DPP10: variants seen among roughly 807,000 people sequenced by gnomAD.
DPP10 encodes the protein inactive dipeptidyl peptidase 10.
A neutral mutation model predicts 120.9 loss-of-function variants in DPP10; 33 were observed. That is an observed-to-expected ratio of 0.27 (90% confidence interval 0.21 to 0.37). DPP10 has a LOEUF of 0.37. Ranked by LOEUF, DPP10 falls within the 10% of genes least tolerant of loss-of-function variation. DPP10 has a pLI of 1.00. For synonymous variants in DPP10, 337 were observed against 326.1 expected, an observed-to-expected ratio of 1.03 and a Z score of -0.36; for missense variants, 816 against 942.8, an observed-to-expected ratio of 0.87 and a Z score of 1.76.
chr2:114,948,817 C>T (rs912585542), intron 1 of DPP10, among the ~76,000 whole-genome samples: 8 of 151,950 alleles, frequency 5.3e-5, no homozygotes, highest in African/African-American at 1.5e-4. Flanking sequence ...TCTGTGTGGC[C>T]GAGGAGGCTT....
chr2:115,322,249 C>G (rs1018765615), intron 2 of DPP10, among the ~76,000 whole-genome samples: 6 of 152,070 alleles, frequency 3.9e-5, no homozygotes, highest in African/African-American at 1.2e-4. Flanking sequence ...ATATTTTAAA[C>G]TATTTTTGAA....
chr2:114,488,127 G>T (rs1264442870), intron 1 of DPP10, among the ~76,000 whole-genome samples: 3 of 152,146 alleles, frequency 2.0e-5, no homozygotes, highest in African/African-American at 7.2e-5. Flanking sequence ...TTGCAAAAAT[G>T]GCTTTAAATT....
In DPP10 at chr2:115,316,059, T is replaced by A. The variant is rs539384283; in HGVS notation, c.175+6706T>A. On this transcript the variant is annotated intron_variant, in intron 2 of 25. Transcript: ENST00000410059. ...TGAATTTGGTTTACATTATAATGTG[T>A]TTAGTTTTACAAGAGTCAGAAGAGA... Among the ~76,000 whole-genome samples the A allele has an allele frequency of 1.5e-3, 229 of 152,322 alleles. 1 individual carries two copies. Among genetic ancestry groups the A allele is most frequent in the African/African-American group, 5.3e-3 (220 of 41,576 alleles).
intron 7 of DPP10, among the ~76,000 whole-genome samples, chr2:115,695,641 A>G (rs1397457563): frequency 6.6e-6 from 1 of 152,172 alleles, no homozygotes; most frequent in Non-Finnish European, 1.5e-5. Flanking sequence ...GACATGTGGG[A>G]ATTATTAAAA....
At chr2:115,629,250 A>T (rs892244404) in intron 5 of DPP10, among the ~76,000 whole-genome samples, 1 of 152,056 alleles carries the variant, frequency 6.6e-6, no homozygotes, top group Admixed American at 6.6e-5. Context: ...AGTCTTTGCT[A>T]TTGCGAATAG....
intron 3 of DPP10, among the ~76,000 whole-genome samples, chr2:115,494,339 C>T (rs916946396): frequency 5.9e-5 from 9 of 152,040 alleles, no homozygotes; most frequent in Admixed American, 3.9e-4. Context: ...CTTCTCTTTG[C>T]GAAGGAGAAA....
chr2:114,993,330 G>A (rs887336212), intron 1 of DPP10, among the ~76,000 whole-genome samples: 5 of 149,538 alleles, frequency 3.3e-5, no homozygotes, highest in South Asian at 4.2e-4. Flanking sequence ...GCATATCTGG[G>A]AGGTACTTGG....
At chr2:114,518,403 C>G (rs1387745406) in intron 1 of DPP10, among the ~76,000 whole-genome samples, 3 of 152,058 alleles carry the variant, frequency 2.0e-5, no homozygotes, top group African/African-American at 7.2e-5. Context: ...TGTTAATTCT[C>G]TAAGGATTAA....
intron 1 of DPP10, among the ~76,000 whole-genome samples, chr2:115,244,815 G>GTA (rs1044504427): frequency 1.5e-4 from 22 of 147,116 alleles, no homozygotes; most frequent in South Asian, 1.1e-3. Context: ...ATATACATGT[G>GTA]TATATATATA....
chr2:115,584,292 A>G (rs1289340964), intron 5 of DPP10, among the ~76,000 whole-genome samples: 2 of 152,224 alleles, frequency 1.3e-5, no homozygotes, highest in African/African-American at 2.4e-5. Flanking sequence ...TAAAACCATT[A>G]TCTACAGCAG....
intron 1 of DPP10, among the ~76,000 whole-genome samples, chr2:114,933,102 C>T (rs999265126): frequency 4.6e-5 from 7 of 152,078 alleles, no homozygotes; most frequent in Non-Finnish European, 1.0e-4. Flanking sequence ...AAAACTTACA[C>T]TATGAACAAA....
At chr2:114,631,349 G>A (rs1053684213) in intron 1 of DPP10, among the ~76,000 whole-genome samples, 5 of 152,008 alleles carry the variant, frequency 3.3e-5, no homozygotes, top group African/African-American at 1.2e-4. Flanking sequence ...ACCACTCACT[G>A]CAGGCCACGT....
chr2:114,802,672 G>A (rs1166445355), intron 1 of DPP10, among the ~76,000 whole-genome samples: 3 of 152,164 alleles, frequency 2.0e-5, no homozygotes, highest in Non-Finnish European at 4.4e-5. Context: ...GACCATGGGA[G>A]TCAGGAATTT....
intron 21 of DPP10, among the ~76,000 whole-genome samples, chr2:115,835,926 C>T (rs867227130): frequency 6.6e-6 from 1 of 151,842 alleles, no homozygotes; most frequent in Non-Finnish European, 1.5e-5. Flanking sequence ...CTTATTAAAA[C>T]AGCTGTTATA....
intron 1 of DPP10, among the ~76,000 whole-genome samples, chr2:115,162,868 GCT>G (rs1435581788): frequency 6.6e-6 from 1 of 152,000 alleles, no homozygotes; most frequent in African/African-American, 2.4e-5. Flanking sequence ...CTTCGGTGTC[GCT>G]CTTTTTCCAA....
chr2:115,317,878 A>G (rs2061872221), intron 2 of DPP10, among the ~76,000 whole-genome samples: 1 of 152,054 alleles, frequency 6.6e-6, no homozygotes, highest in African/African-American at 2.4e-5. Context: ...TCTTGTCAGA[A>G]ACATATTTTC....
chr2:115,102,699 A>G (rs1046872773), intron 1 of DPP10, among the ~76,000 whole-genome samples: 45 of 151,644 alleles, frequency 3.0e-4, no homozygotes, highest in African/African-American at 1.1e-3. Context: ...GTGAGCCACC[A>G]CGCCCGGCCA....
intron 3 of DPP10, among the ~76,000 whole-genome samples, chr2:115,375,645 C>A (rs2065738606): frequency 1.3e-5 from 2 of 152,154 alleles, no homozygotes; most frequent in African/African-American, 4.8e-5. Context: ...CTACCTGAGA[C>A]TGGATAATTT....
At chr2:114,747,867 T>A (rs796294912) in intron 1 of DPP10, among the ~76,000 whole-genome samples, 45 of 152,328 alleles carry the variant, frequency 3.0e-4, no homozygotes, top group African/African-American at 1.1e-3. Context: ...GATCATCTCA[T>A]TTAGTTAATG....
Sources: allele counts gnomAD v4.1 joint callset (sites outside exome capture counted in the v4.1 genomes callset), GRCh38; gene constraint gnomAD v4.1.1; transcripts MANE v1.5; gene names NCBI Gene and HGNC (gene_info 2026-07-23, HGNC 2026-07-21).